UNC13B: variants seen among roughly 807,000 people sequenced by gnomAD.
The protein encoded by UNC13B is unc-13 homolog B, also known as protein unc-13 homolog B.
Under a neutral mutation model 211.0 loss-of-function variants are expected in UNC13B, and 144 were observed. That is an observed-to-expected ratio of 0.68 (90% CI 0.60 to 0.78). UNC13B has a LOEUF of 0.78. UNC13B is among the 30% of genes least tolerant of loss of function. The pLI, the probability that UNC13B is intolerant of heterozygous loss-of-function variation, is 0.00. For missense variants in UNC13B, 1,777 were observed against 2,002.0 expected, an observed-to-expected ratio of 0.89 and a Z score of 2.14; for synonymous variants, 709 against 725.8, an observed-to-expected ratio of 0.98 and a Z score of 0.37.
chr9:35,380,082 C>T (rs189781979), intron 17 of UNC13B, among the ~76,000 whole-genome samples: 84 of 152,280 alleles, frequency 5.5e-4, no homozygotes, highest in Non-Finnish European at 1.2e-4. Flanking sequence ...CCTTTACTGA[C>T]TTCATGTCCT....
At chr9:35,218,507 A>G (rs1042426961) in intron 1 of UNC13B, among the ~76,000 whole-genome samples, 1 of 151,806 alleles carries the variant, frequency 6.6e-6, no homozygotes, top group East Asian at 1.9e-4. Context: ...ATCAAGGCTC[A>G]CGGCAACCTC....
chr9:35,183,297 C>T (rs7867981), intron 1 of UNC13B, among the ~76,000 whole-genome samples: 10,761 of 97,940 alleles, frequency 0.11, 2,287 homozygotes, highest in Admixed American at 0.2. Context: ...CGGGCAGAGG[C>T]GCCCCTCACC....
intron 6 of UNC13B, among the ~76,000 whole-genome samples, chr9:35,244,559 C>T (rs1004942469): frequency 3.3e-5 from 5 of 152,142 alleles, no homozygotes; most frequent in Admixed American, 2.6e-4. Flanking sequence ...ACTCTTCTGC[C>T]TCTGATGGTT....
intron 27 of UNC13B, 69 bp from the exon 28 acceptor site, chr9:35,396,772 T>C: frequency 6.2e-7 from 1 of 1,605,934 alleles, no homozygotes; most frequent in South Asian, 1.1e-5. Flanking sequence ...CCCAGTCTGG[T>C]GGAGCTGTCA....
intron 12 of UNC13B, among the ~76,000 whole-genome samples, chr9:35,369,291 A>C (rs937417732): frequency 1.3e-5 from 2 of 152,138 alleles, no homozygotes; most frequent in African/African-American, 4.8e-5. Context: ...AACTTTCCCA[A>C]CGTCTTTGCT....
intron 1 of UNC13B, among the ~76,000 whole-genome samples, chr9:35,224,965 T>C (rs1216804287): frequency 6.6e-6 from 1 of 151,968 alleles, no homozygotes; most frequent in Non-Finnish European, 1.5e-5. Context: ...GAAAAGGCGT[T>C]TGATAAAATT....
At chr9:35,240,914 G>A (rs1287432406) in intron 5 of UNC13B, among the ~76,000 whole-genome samples, 1 of 151,946 alleles carries the variant, frequency 6.6e-6, no homozygotes, top group African/African-American at 2.4e-5. Context: ...AATTAGCTGG[G>A]CAAGGTGTCG....
chr9:35,303,606 A>T lies in UNC13B; in HGVS notation c.4202A>T (p.Asn1401Ile), dbSNP rs1224744997. 2.5e-6 allele frequency: 1 copy of T among 398,632 alleles called. No homozygotes were observed. Among genetic ancestry groups the T allele is most frequent in the Non-Finnish European group, 4.4e-6 (1 of 225,858 alleles). The allele number at this position is 398,632 out of a possible 1,614,324, so 24.7% of individuals were successfully genotyped here. A position where few individuals can be genotyped will look rare whatever the true frequency, so the allele number is the denominator to read the frequency against. ...CTTGACTCAGAAAACTCAGTGATAAATTTTTGCCAAAAAGATCAAAATGCA... is the reference window on the plus strand; with the variant it reads ...CTTGACTCAGAAAACTCAGTGATAATTTTTTGCCAAAAAGATCAAAATGCA... ...LWLDSENSVI[N>I]FCQKDQNANI... The change falls in exon 9 of 40, where the codon AAT (asparagine) becomes ATT (isoleucine). Residue 1401 changes from asparagine (N) to isoleucine (I), a missense_variant. Coordinates refer to ENST00000635942, the MANE Select transcript of UNC13B (RefSeq NM_001371189.2).
In UNC13B at chr9:35,385,792, C is replaced by A. The variant is rs539192709; in HGVS notation, c.10944C>A (p.Ser3648Arg). Residue 3648 changes from serine (S) to arginine (R), a missense_variant, in exon 23 of 40, where the codon AGC (serine) becomes AGA (arginine). By Grantham distance (110) the Ser-to-Arg change is moderately radical (BLOSUM62 -1). Coordinates refer to ENST00000635942, the MANE Select transcript of UNC13B (RefSeq NM_001371189.2). ...DLKSTVDLLT[S>R]ITFFRMKVQE... Reference sequence around the variant, plus strand: ...AATCCACAGTGGATTTGCTGACCAGCATTACTTTCTTCAGAATGAAGGTAA... The same window carrying A: ...AATCCACAGTGGATTTGCTGACCAGAATTACTTTCTTCAGAATGAAGGTAA... 8.1e-6 allele frequency: 13 copies of A among 1,608,840 alleles called. No homozygotes were observed. The highest frequency in any genetic ancestry group is 1.1e-5 in the Non-Finnish European group (13 of 1,175,636).
chr9:35,386,343 C>T (rs1395689154), intron 24 of UNC13B, 50 bp downstream of exon 24: 5 of 1,608,834 alleles, frequency 3.1e-6, no homozygotes. Flanking sequence ...CTCTTTGGAG[C>T]CTCAGTTTTC....
At chr9:35,180,951 A>G (rs2131297819) in intron 1 of UNC13B, among the ~76,000 whole-genome samples, 1 of 148,444 alleles carries the variant, frequency 6.7e-6, no homozygotes, top group Non-Finnish European at 1.5e-5. Flanking sequence ...AAAATGCTGG[A>G]TCTGTTTCAG....
Position 35,302,103 on chromosome 9 carries a change from A to G in UNC13B, c.2699A>G (p.Asn900Ser), listed in dbSNP as rs1193321643. 2 of 398,676 alleles carry G rather than the reference A, an allele frequency of 5.0e-6. No homozygotes were observed. Among genetic ancestry groups the G allele is most frequent in the African/African-American group, 4.1e-5 (2 of 48,626 alleles). The allele number at this position is 398,676 out of a possible 1,614,324, so 24.7% of individuals were successfully genotyped here. A position where few individuals can be genotyped will look rare whatever the true frequency, so the allele number is the denominator to read the frequency against. The change falls in exon 9 of 40, where the codon AAT (asparagine) becomes AGT (serine). Residue 900 changes from asparagine (N) to serine (S), a missense_variant. Transcript: ENST00000635942. ...TTCACTGACAGCAAGGTTACTGTTA[A>G]TGACCAGAGTTTACGTGGCTCAGCA... ...FSFTDSKVTV[N>S]DQSLRGSAVT...
intron 17 of UNC13B, among the ~76,000 whole-genome samples, chr9:35,379,472 G>T (rs1334196841): frequency 1.4e-4 from 22 of 151,972 alleles, no homozygotes; most frequent in Non-Finnish European, 2.9e-5. Flanking sequence ...AAAAAAAAGG[G>T]ATTAGGATAT....
At chr9:35,385,280 T>C in intron 22 of UNC13B, 1 of 985,456 alleles carries the variant, frequency 1.0e-6, no homozygotes, top group South Asian at 4.7e-5. Context: ...GGTTCTATTG[T>C]ACAAAAAGTA....
intron 5 of UNC13B, among the ~76,000 whole-genome samples, chr9:35,242,369 CATT>C (rs1415286848): frequency 1.3e-5 from 2 of 152,130 alleles, no homozygotes; most frequent in Non-Finnish European, 2.9e-5. Context: ...AGTACATTCA[CATT>C]GTTGTGCAAC....
At chr9:35,171,294 G>T (rs939226528) in intron 1 of UNC13B, among the ~76,000 whole-genome samples, 15 of 151,966 alleles carry the variant, frequency 9.9e-5, no homozygotes, top group Non-Finnish European at 1.5e-4. Context: ...TAGAGACAGG[G>T]TTTCACCATG....
chr9:35,354,627 T>G (rs1313925116), intron 11 of UNC13B, among the ~76,000 whole-genome samples: 2 of 152,206 alleles, frequency 1.3e-5, no homozygotes, highest in Non-Finnish European at 2.9e-5. Flanking sequence ...CAATCAAAAT[T>G]AAATTTATCC....
chr9:35,262,010 CT>C (rs1433852967), intron 7 of UNC13B, among the ~76,000 whole-genome samples: 1 of 152,110 alleles, frequency 6.6e-6, no homozygotes, highest in East Asian at 1.9e-4. Flanking sequence ...CTACATTTTC[CT>C]TTTCCATTCA....
At chr9:35,265,367 C>A (rs1827507842) in intron 7 of UNC13B, among the ~76,000 whole-genome samples, 1 of 152,182 alleles carries the variant, frequency 6.6e-6, no homozygotes, top group Non-Finnish European at 1.5e-5. Context: ...AAAAAGGTGA[C>A]CATCTGCAAG....
Sources: gnomAD v4.1 joint callset for allele counts (sites outside exome capture counted in the v4.1 genomes callset) on GRCh38, gnomAD v4.1.1 for gene constraint, MANE v1.5 for transcripts, NCBI Gene and HGNC (gene_info 2026-07-23, HGNC 2026-07-21) for gene names.